Variants in HTR1F observed in about 807,000 individuals in gnomAD.
The protein encoded by HTR1F is 5-hydroxytryptamine (serotonin) receptor 1F, G protein-coupled.
HTR1F carries 17 observed loss-of-function variants against 24.0 expected under a neutral mutation model. That is an observed-to-expected ratio of 0.71 (90% CI 0.48 to 1.06). The LOEUF is 1.06. Among genes scored for constraint, HTR1F ranks in the 50% least tolerant of loss-of-function variants. HTR1F has a pLI of 0.00. For synonymous variants in HTR1F, 186 were observed against 156.8 expected, an observed-to-expected ratio of 1.19 and a Z score of -1.39; for missense variants, 391 against 427.8, an observed-to-expected ratio of 0.91 and a Z score of 0.76.
At chr3:87,938,054 C>A (rs1362634257) in intron 2 of HTR1F, among the ~76,000 whole-genome samples, 1 of 151,944 alleles carries the variant, frequency 6.6e-6, no homozygotes, top group Non-Finnish European at 1.5e-5. Context: ...AGTGTAAGCC[C>A]AAAGCTTCTT....
In HTR1F at chr3:87,844,237, A is replaced by G. The variant is rs1482259084; in HGVS notation, c.-43+22113A>G. 1.1e-4 allele frequency among the ~76,000 whole-genome samples: 17 copies of G among 151,548 alleles called. No individual in the cohort carries two copies. In the South Asian group the frequency reaches 1.2e-3, roughly 11 times the overall value. On this transcript the variant is annotated intron_variant, in intron 2 of 2. Transcript: ENST00000319595. ...TTGCCATTCTAACTGGTGTGAGATG[A>G]TATCTCATTGTGGTTTTGATTTGCG...
chr3:87,989,387 T>C (rs1156799846), intron 2 of HTR1F, among the ~76,000 whole-genome samples: 1 of 152,200 alleles, frequency 6.6e-6, no homozygotes, highest in African/African-American at 2.4e-5. Flanking sequence ...TGTTTGATCA[T>C]AGCTGTCATT....
intron 2 of HTR1F, among the ~76,000 whole-genome samples, chr3:87,845,128 A>T: frequency 6.6e-6 from 1 of 151,776 alleles, no homozygotes; most frequent in Non-Finnish European, 1.5e-5. Flanking sequence ...CCAATATCAT[A>T]CTGAATGGGC....
chr3:87,915,760 T>A (rs1285112472), intron 2 of HTR1F, among the ~76,000 whole-genome samples: 1 of 151,962 alleles, frequency 6.6e-6, no homozygotes, highest in African/African-American at 2.4e-5. Flanking sequence ...AGAAGAGAAA[T>A]CTAAAAGTTT....
intron 2 of HTR1F, among the ~76,000 whole-genome samples, chr3:87,969,278 C>T (rs1169318446): frequency 6.6e-6 from 1 of 152,200 alleles, no homozygotes; most frequent in East Asian, 1.9e-4. Flanking sequence ...CCACTGACAG[C>T]TTGCGCCTGT....
chr3:87,796,469 G>A (rs978055450), intron 1 of HTR1F, among the ~76,000 whole-genome samples: 4 of 152,146 alleles, frequency 2.6e-5, no homozygotes, highest in African/African-American at 9.7e-5. Context: ...ATGGCATTTA[G>A]AAGAACGGGA....
chr3:87,797,885 T>C (rs1703931418), intron 1 of HTR1F, among the ~76,000 whole-genome samples: 1 of 152,124 alleles, frequency 6.6e-6, no homozygotes, highest in Non-Finnish European at 1.5e-5. Context: ...AAAGGAATAC[T>C]GTGGGAGCAA....
chr3:87,839,545 T>C (rs1704755785), intron 2 of HTR1F, among the ~76,000 whole-genome samples: 1 of 152,146 alleles, frequency 6.6e-6, no homozygotes, highest in South Asian at 2.1e-4. Flanking sequence ...TTGGGGTCTT[T>C]TGTGATTGTA....
chr3:87,919,019 A>C (rs1258094032), intron 2 of HTR1F, among the ~76,000 whole-genome samples: 1 of 152,192 alleles, frequency 6.6e-6, no homozygotes, highest in Non-Finnish European at 1.5e-5. Flanking sequence ...TACTGGTATA[A>C]AAATAGGCAC....
chr3:87,977,876 T>A (rs185192338), intron 2 of HTR1F, among the ~76,000 whole-genome samples: 249 of 152,298 alleles, frequency 1.6e-3, no homozygotes, highest in African/African-American at 5.7e-3. Flanking sequence ...TAGTGGCACC[T>A]TTGCCTTAGT....
intron 2 of HTR1F, among the ~76,000 whole-genome samples, chr3:87,862,413 A>G (rs1705337086): frequency 6.6e-6 from 1 of 152,226 alleles, no homozygotes; most frequent in African/African-American, 2.4e-5. Flanking sequence ...CCCTATTGTG[A>G]AAGATAATAC....
In HTR1F at chr3:87,990,782, G is replaced by A; in HGVS notation, c.33G>A (p.Leu11=). The A allele has an allele frequency of 6.2e-7, 1 of 1,613,120 alleles. No homozygotes were observed. Among genetic ancestry groups the A allele is most frequent in the Non-Finnish European group, 8.5e-7 (1 of 1,179,200 alleles). The change falls in exon 3 of 3, where the codon TTG becomes TTA. Residue 11 remains leucine, a synonymous_variant. Coordinates refer to ENST00000319595, the MANE Select transcript of HTR1F (RefSeq NM_001322209.2). ...TCTTAAATTCATCTGATCAAAACTT[G>A]ACCTCAGAGGAACTGTTAAACAGAA... MDFLNSSDQN[L]TSEELLNRMP... is the part of the protein sequence containing the mutation.
chr3:87,969,630 G>C (rs924243152), intron 2 of HTR1F, among the ~76,000 whole-genome samples: 13 of 152,158 alleles, frequency 8.5e-5, no homozygotes, highest in African/African-American at 2.7e-4. Context: ...AGGCGGAAGG[G>C]ACTTGCCTTG....
intron 2 of HTR1F, among the ~76,000 whole-genome samples, chr3:87,932,852 A>T (rs1162840096): frequency 6.6e-6 from 1 of 151,832 alleles, no homozygotes; most frequent in Non-Finnish European, 1.5e-5. Context: ...AACTCATTTT[A>T]TGAGGCCAGC....
intron 1 of HTR1F, among the ~76,000 whole-genome samples, chr3:87,800,492 G>C (rs6779623): frequency 0.44 from 66,491 of 152,076 alleles, 17,808 homozygotes; most frequent in African/African-American, 0.76. Context: ...CTCCTCTAAA[G>C]TAGCTGTGAT....
chr3:87,845,468 G>C (rs552372980), intron 2 of HTR1F, among the ~76,000 whole-genome samples: 3 of 148,794 alleles, frequency 2.0e-5, no homozygotes, highest in Non-Finnish European at 4.4e-5. Context: ...AATCATGAGT[G>C]AACTCCCATT....
At chr3:87,917,309 C>A (rs1339910986) in intron 2 of HTR1F, among the ~76,000 whole-genome samples, 3 of 148,150 alleles carry the variant, frequency 2.0e-5, no homozygotes, top group African/African-American at 7.5e-5. Flanking sequence ...AATAGAGAAA[C>A]AAGAACAAAC....
intron 2 of HTR1F, among the ~76,000 whole-genome samples, chr3:87,839,513 C>T (rs1203482579): frequency 1.3e-5 from 2 of 151,930 alleles, no homozygotes; most frequent in African/African-American, 4.8e-5. Flanking sequence ...TCGCTCTTTT[C>T]ACTCAGGATT....
At chr3:87,822,558 TG>T (rs1254925893) in intron 2 of HTR1F, among the ~76,000 whole-genome samples, 1 of 152,236 alleles carries the variant, frequency 6.6e-6, no homozygotes, top group Non-Finnish European at 1.5e-5. Flanking sequence ...TTATATAATT[TG>T]GCAGGGTGAT....
Sources: gnomAD v4.1 joint callset for allele counts (sites outside exome capture counted in the v4.1 genomes callset) on GRCh38, gnomAD v4.1.1 for gene constraint, MANE v1.5 for transcripts, NCBI Gene and HGNC (gene_info 2026-07-23, HGNC 2026-07-21) for gene names.